Variants in SCN7A observed in about 807,000 individuals in gnomAD.
SCN7A encodes sodium voltage-gated channel alpha subunit 7, also known as sodium channel protein type 7 subunit alpha.
SCN7A carries 138 observed loss-of-function variants against 155.2 expected under a neutral mutation model. The observed-to-expected ratio is 0.89, with a 90% CI of 0.77 to 1.02. The LOEUF is 1.02. SCN7A is among the 50% of genes least tolerant of loss of function. The pLI, the probability that SCN7A is intolerant of heterozygous loss-of-function variation, is 0.00. For synonymous variants in SCN7A, 693 were observed against 649.0 expected (o/e 1.07, Z -1.03); for missense variants, 2,058 against 1,986.6 (o/e 1.04, Z -0.68).
rs952283594 is a variant in SCN7A at position 166,406,607 on chromosome 2, G to C, written c.4022C>G (p.Pro1341Arg). 6.2e-7 allele frequency: 1 copy of C among 1,611,450 alleles called. No individual in the cohort carries two copies. The highest frequency in any genetic ancestry group is 1.3e-5 in the African/African-American group (1 of 74,806). The change falls in exon 26 of 26, where the codon CCT becomes CGT. Residue 1341 changes from proline to arginine, a missense_variant. Physicochemically the swap from Pro to Arg is moderately radical, Grantham distance 103. Transcript: ENST00000643258. Reference sequence around the variant, plus strand: ...AAGTATCAGTTGCACAAGTGAAGGAGGCACAAGGTAGGATCCTACTGTCAT... The same window carrying C: ...AAGTATCAGTTGCACAAGTGAAGGACGCACAAGGTAGGATCCTACTGTCAT... ...LPMTVGSYLV[P>R]PSLVQLILLS...
chr2:166,448,950 T>C (rs1702122017), intron 11 of SCN7A, among the ~76,000 whole-genome samples: 5 of 152,212 alleles, frequency 3.3e-5, no homozygotes, highest in Admixed American at 3.3e-4. Flanking sequence ...TTTATAAGGG[T>C]TGTCTTAGAT....
chr2:166,413,417 T>G (rs1261426159), intron 21 of SCN7A, among the ~76,000 whole-genome samples: 2 of 152,126 alleles, frequency 1.3e-5, no homozygotes, highest in African/African-American at 2.4e-5. Context: ...TCATGGTGAC[T>G]TGTAGCTGCT....
chr2:166,423,909 G>A (rs1701565715), intron 18 of SCN7A, among the ~76,000 whole-genome samples: 1 of 152,060 alleles, frequency 6.6e-6, no homozygotes, highest in Non-Finnish European at 1.5e-5. Flanking sequence ...AAATGCTGAC[G>A]ATTAATTAAA....
chr2:166,466,066 T>G, intron 7 of SCN7A, 79 bp from the exon 8 acceptor site: 1 of 902,698 alleles, frequency 1.1e-6, no homozygotes, highest in African/African-American at 1.7e-5. Flanking sequence ...CCACAGCAAC[T>G]GCATACTCCA....
At chr2:166,420,901 A>T (rs926721333) in intron 20 of SCN7A, among the ~76,000 whole-genome samples, 1 of 152,000 alleles carries the variant, frequency 6.6e-6, no homozygotes, top group East Asian at 1.9e-4. Flanking sequence ...TTTTGGTAAT[A>T]TGCATATGTA....
Position 166,441,589 on chromosome 2 carries a change from TC to T in SCN7A, c.1963del (p.Glu655AsnfsTer6). 6.2e-7 allele frequency: 1 copy of T among 1,613,936 alleles called. No homozygotes were observed. The highest frequency in any genetic ancestry group is 8.5e-7 in the Non-Finnish European group (1 of 1,179,878). ...GMKLFGKNYE[E>X]FVCHIDKDCQ... ...GTCTTTGTCTATGTGGCAGACAAAT[TC>T]TTCATAATTCTTACCAAACAGCTTC... On this transcript the variant is annotated frameshift_variant, in exon 15 of 26. Coordinates refer to ENST00000643258, the MANE Select transcript of SCN7A (RefSeq NM_002976.4). LOFTEE classifies it high-confidence loss of function.
chr2:166,480,016 T>C (rs1369423867), intron 2 of SCN7A, among the ~76,000 whole-genome samples: 1 of 152,308 alleles, frequency 6.6e-6, no homozygotes, highest in Non-Finnish European at 1.5e-5. Flanking sequence ...ATAGATACCA[T>C]ATGCACACAT....
intron 5 of SCN7A, among the ~76,000 whole-genome samples, chr2:166,473,225 T>C (rs1383254011): frequency 6.6e-6 from 1 of 151,600 alleles, no homozygotes; most frequent in Non-Finnish European, 1.5e-5. Context: ...TGAGAGGTGA[T>C]AGTCTTTATA....
chr2:166,435,052 C>T (rs1701809475), intron 15 of SCN7A, among the ~76,000 whole-genome samples: 1 of 151,972 alleles, frequency 6.6e-6, no homozygotes, highest in Non-Finnish European at 1.5e-5. Context: ...CAAATATACA[C>T]ACATACATTC....
At chr2:166,491,931 A>G (rs1683119300) in intron 1 of SCN7A, among the ~76,000 whole-genome samples, 1 of 151,778 alleles carries the variant, frequency 6.6e-6, no homozygotes, top group Admixed American at 6.6e-5. Context: ...ATCTCTGAAT[A>G]CCCCAGTTGT....
intron 9 of SCN7A, among the ~76,000 whole-genome samples, chr2:166,464,724 C>A (rs12465583): frequency 0.28 from 42,908 of 152,026 alleles, 6,609 homozygotes; most frequent in Non-Finnish European, 0.35. Flanking sequence ...GCTATCGCGG[C>A]TCCCATCAGC....
intron 15 of SCN7A, among the ~76,000 whole-genome samples, chr2:166,434,988 A>G (rs532500659): frequency 6.6e-6 from 1 of 152,240 alleles, no homozygotes; most frequent in African/African-American, 2.4e-5. Flanking sequence ...TATATTAATC[A>G]TATTTTAAGG....
intron 15 of SCN7A, among the ~76,000 whole-genome samples, chr2:166,437,571 C>G (rs1057067638): frequency 6.6e-6 from 1 of 152,142 alleles, no homozygotes; most frequent in Non-Finnish European, 1.5e-5. Context: ...GGTAGACACA[C>G]TGACAGCCTG....
rs766963704 is a variant in SCN7A, at chr2:166,406,556, C to G, written c.4073G>C (p.Arg1358Pro). 1.9e-6 allele frequency: 3 copies of G among 1,612,754 alleles called. No individual in the cohort carries two copies. In the Admixed American group the frequency reaches 5.0e-5, roughly 27 times the overall value. Residue 1358 changes from arginine to proline, a missense_variant, in exon 26 of 26, where the codon CGT becomes CCT. Arg to Pro is a moderately radical substitution (Grantham distance 103, BLOSUM62 -2). Coordinates refer to ENST00000643258, the MANE Select transcript of SCN7A (RefSeq NM_002976.4). Reference protein sequence around the residue: ...ILLSRIIHMLRLGKGPKVFHN... With the variant: ...ILLSRIIHMLPLGKGPKVFHN... ...AAACACCTTTGGTCCTTTTCCAAGACGCAGCATGTGAATGATCCGTGAGAG... is the reference window on the plus strand; with the variant it reads ...AAACACCTTTGGTCCTTTTCCAAGAGGCAGCATGTGAATGATCCGTGAGAG...
chr2:166,490,006 T>G (rs1427154485), intron 1 of SCN7A, among the ~76,000 whole-genome samples: 6 of 151,828 alleles, frequency 4.0e-5, no homozygotes, highest in Admixed American at 3.3e-4. Context: ...TTTATATATA[T>G]AAAATATATA....
intron 12 of SCN7A, among the ~76,000 whole-genome samples, chr2:166,447,259 T>C (rs1702084211): frequency 6.6e-6 from 1 of 152,206 alleles, no homozygotes. Flanking sequence ...TTTGATATTG[T>C]CCATGATAAA....
chr2:166,458,004 T>C (rs990878986), intron 10 of SCN7A, among the ~76,000 whole-genome samples: 2 of 152,320 alleles, frequency 1.3e-5, no homozygotes, highest in African/African-American at 4.8e-5. Flanking sequence ...CTAGAGTCTA[T>C]TTGTCTTTAA....
intron 15 of SCN7A, chr2:166,441,163 A>C (rs527538483): frequency 2.2e-6 from 1 of 446,336 alleles, no homozygotes; most frequent in East Asian, 3.3e-5. Context: ...TTAATGAAAT[A>C]GTTCACATCA....
Position 166,465,515 on chromosome 2 carries a change from A to T in SCN7A, c.888T>A (p.Tyr296Ter). Residue 296 changes from tyrosine (Y) to a stop codon, truncating the protein, a stop_gained, in exon 9 of 26, where the codon TAT becomes TAA. Transcript: ENST00000643258. LOFTEE classifies it high-confidence loss of function. ...PYYIRETENF[Y>*]YLEGERYALL... ...GAGCATATCTTTCTCCTTCCAAATAATAAAAGTTTTCTGTTTCTGAAAAAC... is the reference window on the plus strand; with the variant it reads ...GAGCATATCTTTCTCCTTCCAAATATTAAAAGTTTTCTGTTTCTGAAAAAC... 6.2e-7 allele frequency: 1 copy of T among 1,603,894 alleles called. No homozygotes were observed. Among genetic ancestry groups the T allele is most frequent in the Non-Finnish European group, 8.5e-7 (1 of 1,174,360 alleles).
Sources: gnomAD v4.1 joint callset for allele counts (sites outside exome capture counted in the v4.1 genomes callset) on GRCh38, gnomAD v4.1.1 for gene constraint, MANE v1.5 for transcripts, NCBI Gene and HGNC (gene_info 2026-07-23, HGNC 2026-07-21) for gene names.